Variants in HSF2 observed in about 807,000 individuals in gnomAD.
HSF2 encodes the protein heat shock factor protein 2.
HSF2 carries 21 observed loss-of-function variants against 65.0 expected under a neutral mutation model. That is an observed-to-expected ratio of 0.32 (90% CI 0.23 to 0.47). HSF2 has a LOEUF of 0.47. Among genes scored for constraint, HSF2 ranks in the 20% least tolerant of loss-of-function variants. HSF2 has a pLI of 1.00. For missense variants in HSF2, 499 were observed against 628.1 expected (o/e 0.79, Z 2.20); for synonymous variants, 225 against 219.1 (o/e 1.03, Z -0.24).
At chr6:122,413,382 T>C in intron 3 of HSF2, 143 bp from the exon 4 acceptor site, 1 of 609,864 alleles carries the variant, frequency 1.6e-6, no homozygotes, top group South Asian at 2.2e-5. Flanking sequence ...AGTTTATTCT[T>C]TCCCTAGCAT....
chr6:122,420,028 C>T, intron 6 of HSF2, 107 bp from the exon 7 acceptor site: 1 of 1,006,402 alleles, frequency 9.9e-7, no homozygotes. Context: ...ATTTTTTATT[C>T]ATTATTAAGT....
intron 11 of HSF2, among the ~76,000 whole-genome samples, chr6:122,429,903 A>G (rs531346182): frequency 2.6e-5 from 4 of 152,210 alleles, no homozygotes; most frequent in East Asian, 3.9e-4. Flanking sequence ...TGCTGGATTC[A>G]GTTTGCCAGT....
At chr6:122,403,869 G>A (rs1006320003) in intron 1 of HSF2, among the ~76,000 whole-genome samples, 8 of 152,232 alleles carry the variant, frequency 5.3e-5, no homozygotes, top group Non-Finnish European at 1.2e-4. Context: ...GGAAGCAACT[G>A]GTGAAACTTG....
chr6:122,419,335 A>C (rs1774185519), intron 6 of HSF2, 106 bp downstream of exon 6: 2 of 554,350 alleles, frequency 3.6e-6, no homozygotes, highest in Non-Finnish European at 3.3e-6. Flanking sequence ...TGTTGTCCAA[A>C]AAGAACAATT....
intron 8 of HSF2, 80 bp from the exon 9 acceptor site, chr6:122,422,637 GT>G: frequency 1.4e-6 from 2 of 1,418,780 alleles, no homozygotes; most frequent in Admixed American, 3.5e-5. Context: ...TGGGGAGAGA[GT>G]TTCCATTTAG....
In HSF2 at chr6:122,421,479, A is replaced by G. The variant is rs1049056520; in HGVS notation, c.682-671A>G. ...TTTTTATATTTTTAACTGGGTTTAT[A>G]TATTTTAAAGTACTTCACATCCTTT... On this transcript the variant is annotated intron_variant, in intron 7 of 12. Transcript: ENST00000368455. Among the ~76,000 whole-genome samples, 20 of 125,894 alleles carry G rather than the reference A, an allele frequency of 1.6e-4. No individual in the cohort carries two copies. In the Middle Eastern group the frequency reaches 0.015, roughly 92 times the overall value. The allele number at this position is 125,894 out of a possible 152,430, so 82.6% of individuals were successfully genotyped here.
chr6:122,412,807 A>C (rs762043317), intron 3 of HSF2, 43 bp downstream of exon 3: 33 of 1,584,294 alleles, frequency 2.1e-5, no homozygotes, highest in Non-Finnish European at 2.8e-5. Flanking sequence ...ATTGACCTGG[A>C]GTGTGCTTGG....
At chr6:122,414,656 T>G (rs1395167998) in intron 4 of HSF2, among the ~76,000 whole-genome samples, 1 of 152,210 alleles carries the variant, frequency 6.6e-6, no homozygotes, top group African/African-American at 2.4e-5. Context: ...TGAGACAGTC[T>G]CACTCTGTTA....
chr6:122,405,660 C>T (rs1773853814), intron 1 of HSF2, among the ~76,000 whole-genome samples: 1 of 152,090 alleles, frequency 6.6e-6, no homozygotes, highest in African/African-American at 2.4e-5. Context: ...AATATGCCCT[C>T]TAGGTCACGG....
At position 122,399,710 on chromosome 6, in the gene HSF2, A is replaced by T. The variant is rs1773670468; in HGVS notation, c.-28A>T. 2 of 1,600,346 alleles carry T rather than the reference A, an allele frequency of 1.2e-6. No individual in the cohort carries two copies. The highest frequency in any genetic ancestry group is 1.7e-4 in the Middle Eastern group (1 of 6,022). On this transcript the variant is annotated 5_prime_UTR_variant, in exon 1 of 13. Transcript: ENST00000368455. Reference sequence around the variant, plus strand: ...CCGCTACCACCGCGTTCGGGTGTAGAATTTGGAATCCCTGCGCCGCGTTAA... The same window carrying T: ...CCGCTACCACCGCGTTCGGGTGTAGTATTTGGAATCCCTGCGCCGCGTTAA...
chr6:122,422,105 C>A, intron 7 of HSF2, 45 bp from the exon 8 acceptor site: 2 of 1,351,208 alleles, frequency 1.5e-6, no homozygotes, highest in South Asian at 1.3e-5. Context: ...GTTTGGTAGT[C>A]AATGATTTTG....
At chr6:122,423,497 T>C (rs940990334) in intron 9 of HSF2, 84 bp from the exon 10 acceptor site, 41 of 600,106 alleles carry the variant, frequency 6.8e-5, no homozygotes, top group Non-Finnish European at 1.1e-4. Context: ...AGAAATATCT[T>C]GCCTAGCCAA....
chr6:122,422,321 TG>T, intron 8 of HSF2, 23 bp downstream of exon 8: 1 of 1,516,362 alleles, frequency 6.6e-7, no homozygotes, highest in Non-Finnish European at 9.1e-7. Context: ...TGAGATAAAA[TG>T]TATGAAAATA....
Position 122,419,189 on chromosome 6 carries a change from T to A in HSF2, c.553T>A (p.Leu185Met), listed in dbSNP as rs1210848988. The A allele has an allele frequency of 6.7e-7, 1 of 1,488,442 alleles. No homozygotes were observed. The highest frequency in any genetic ancestry group is 9.3e-7 in the Non-Finnish European group (1 of 1,071,240). 92.2% of individuals were successfully genotyped at this position (1,488,442 alleles called of 1,614,324 possible). Residue 185 changes from leucine (L) to methionine (M), a missense_variant, in exon 6 of 13, where the codon TTG becomes ATG. Coordinates refer to ENST00000368455, the MANE Select transcript of HSF2 (RefSeq NM_004506.4). Reference sequence around the variant, plus strand: ...TCAGATTGTCCAGTTTATTGTTACATTGGTTCAAAATAACCAACTTGTGAG... The same window carrying A: ...TCAGATTGTCCAGTTTATTGTTACAATGGTTCAAAATAACCAACTTGTGAG... ...IRKIVQFIVT[L>M]VQNNQLVSLK...
At chr6:122,399,594 C>T (rs1407872095), upstream of HSF2, 5 of 638,350 alleles carry the variant, frequency 7.8e-6, no homozygotes, top group South Asian at 5.9e-5. Flanking sequence ...GGCCTTGCCG[C>T]GCGCCTGGCG....
At chr6:122,428,356 C>G (rs1774382828) in intron 11 of HSF2, among the ~76,000 whole-genome samples, 1 of 151,784 alleles carries the variant, frequency 6.6e-6, no homozygotes, top group South Asian at 2.1e-4. Flanking sequence ...CTATCATTAG[C>G]ATAAAGTAAA....
At chr6:122,405,279 A>G (rs1287646562) in intron 1 of HSF2, among the ~76,000 whole-genome samples, 1 of 151,846 alleles carries the variant, frequency 6.6e-6, no homozygotes, top group Non-Finnish European at 1.5e-5. Flanking sequence ...AAAAAAAGTA[A>G]AAGCAAGCAA....
intron 1 of HSF2, among the ~76,000 whole-genome samples, chr6:122,401,735 G>A (rs1459222834): frequency 6.6e-6 from 1 of 152,164 alleles, no homozygotes; most frequent in African/African-American, 2.4e-5. Context: ...CACACTAGGT[G>A]TTTAATAATT....
rs1294991642 is a variant in HSF2, at chr6:122,427,972, T to C, written c.1230+16T>C. On this transcript the variant is annotated intron_variant, in intron 11 of 12. Transcript: ENST00000368455. ...TAATACAAAAGTAAGTTTTAATTCA[T>C]GTTGCTCAGGACCCATAGCTATAAA... 1.9e-6 allele frequency: 3 copies of C among 1,563,426 alleles called. No individual in the cohort carries two copies. Among genetic ancestry groups the C allele is most frequent in the Non-Finnish European group, 1.8e-6 (2 of 1,138,704 alleles).
Sources: allele counts gnomAD v4.1 joint callset (sites outside exome capture counted in the v4.1 genomes callset), GRCh38; gene constraint gnomAD v4.1.1; transcripts MANE v1.5; gene names NCBI Gene and HGNC (gene_info 2026-07-23, HGNC 2026-07-21).